HSPB8: variants seen among roughly 807,000 people sequenced by gnomAD.
HSPB8 encodes the protein heat shock protein family B (small) member 8.
Under a neutral mutation model 16.5 loss-of-function variants are expected in HSPB8, and 9 were observed. That is an observed-to-expected ratio of 0.55 (90% confidence interval 0.33 to 0.95). HSPB8 has a LOEUF of 0.95. Among genes scored for constraint, HSPB8 ranks in the 40% least tolerant of loss-of-function variants. The pLI is 0.03. For missense variants in HSPB8, 238 were observed against 251.2 expected, an observed-to-expected ratio of 0.95 and a Z score of 0.35; for synonymous variants, 99 against 94.8, an observed-to-expected ratio of 1.04 and a Z score of -0.26.
chr12:119,194,721 T>G lies in HSPB8; in HGVS notation c.*863T>G, dbSNP rs550004882. The G allele has an allele frequency of 9.9e-4, 348 of 350,172 alleles. 12 individuals carry two copies. Among genetic ancestry groups the G allele is most frequent in the Non-Finnish European group, 1.6e-3 (312 of 200,070 alleles). The allele number at this position is 350,172 out of a possible 1,614,324, so 21.7% of individuals were successfully genotyped here. On this transcript the variant is annotated 3_prime_UTR_variant, in exon 3 of 3. Transcript: ENST00000281938. Reference sequence around the variant, plus strand: ...AGTAAATAATTAATAATAATAATAATAATAATAAAGGAGCTGACGTTCTTA... The same window carrying G: ...AGTAAATAATTAATAATAATAATAAGAATAATAAAGGAGCTGACGTTCTTA...
intron 1 of HSPB8, among the ~76,000 whole-genome samples, chr12:119,184,755 T>C (rs903296752): frequency 6.6e-6 from 1 of 151,386 alleles, no homozygotes; most frequent in Non-Finnish European, 1.5e-5. Flanking sequence ...GGCGGCCTGG[T>C]GTGAGGTTCT....
At position 119,179,131 on chromosome 12, in the gene HSPB8, G is replaced by A; in HGVS notation, c.-182G>A. 1 of 687,142 alleles carries A rather than the reference G, an allele frequency of 1.5e-6. No homozygotes were observed. Among genetic ancestry groups the A allele is most frequent in the Non-Finnish European group, 2.6e-6 (1 of 386,336 alleles). 42.6% of individuals were successfully genotyped at this position (687,142 alleles called of 1,614,324 possible). A position where few individuals can be genotyped will look rare whatever the true frequency, so the allele number is the denominator to read the frequency against. On this transcript the variant is annotated 5_prime_UTR_variant, in exon 1 of 3. Coordinates refer to ENST00000281938, the MANE Select transcript of HSPB8 (RefSeq NM_014365.3). The stretch of plus-strand genomic sequence containing the variant: ...CCCGGGGGTTACCTTTGGGGGCTGG[G>A]ACCCCAGTCGAGGGGACACAACCGT...
intron 2 of HSPB8, among the ~76,000 whole-genome samples, chr12:119,192,433 G>T (rs1954717676): frequency 1.3e-5 from 2 of 152,168 alleles, no homozygotes; most frequent in Admixed American, 6.5e-5. Flanking sequence ...GAGGTGGGTG[G>T]ATCACAAGGT....
chr12:119,185,654 T>A lies in HSPB8; in HGVS notation c.368-1371T>A, dbSNP rs968903521. 4.9e-5 allele frequency among the ~76,000 whole-genome samples: 7 copies of A among 141,770 alleles called. No individual in the cohort carries two copies. In the South Asian group the frequency reaches 9.7e-4, roughly 20 times the overall value. The allele number at this position is 141,770 out of a possible 152,430, so 93.0% of individuals were successfully genotyped here. A position where few individuals can be genotyped will look rare whatever the true frequency, so the allele number is the denominator to read the frequency against. ...GCCTATTATTATTATTATTATTATT[T>A]TTAGAAACAGTGCCTCTCTATGTTG... On this transcript the variant is annotated intron_variant, in intron 1 of 2. Coordinates refer to ENST00000281938, the MANE Select transcript of HSPB8 (RefSeq NM_014365.3).
At position 119,193,989 on chromosome 12, in the gene HSPB8, C is replaced by A; in HGVS notation, c.*131C>A. On this transcript the variant is annotated 3_prime_UTR_variant, in exon 3 of 3. Coordinates refer to ENST00000281938, the MANE Select transcript of HSPB8 (RefSeq NM_014365.3). Reference sequence around the variant, plus strand: ...AGAGGGTGCGGGGGTGAGGACTGACCACAGATTCCCTGGATAGTGTAGTGG... The same window carrying A: ...AGAGGGTGCGGGGGTGAGGACTGACAACAGATTCCCTGGATAGTGTAGTGG... The A allele has an allele frequency of 1.0e-6, 1 of 952,692 alleles. No homozygotes were observed. Among genetic ancestry groups the A allele is most frequent in the Non-Finnish European group, 1.7e-6 (1 of 595,244 alleles). The allele number at this position is 952,692 out of a possible 1,614,324, so 59.0% of individuals were successfully genotyped here. A position where few individuals can be genotyped will look rare whatever the true frequency, so the allele number is the denominator to read the frequency against.
chr12:119,182,419 G>A (rs113905318), intron 1 of HSPB8, among the ~76,000 whole-genome samples: 17 of 152,072 alleles, frequency 1.1e-4, no homozygotes, highest in Admixed American at 2.0e-4. Context: ...CGGGAGGATC[G>A]CTTAAGGTCA....
chr12:119,182,327 T>C (rs1954643865), intron 1 of HSPB8: 1 of 152,122 alleles, frequency 6.6e-6, no homozygotes, highest in Admixed American at 6.5e-5. Context: ...AAAATTGATA[T>C]CAGGAGCTCT....
intron 2 of HSPB8, among the ~76,000 whole-genome samples, chr12:119,189,302 G>GGTGTGT (rs60310566): frequency 0.13 from 19,006 of 143,214 alleles, 1,530 homozygotes; most frequent in African/African-American, 0.22. Flanking sequence ...TCTTAAAAGG[G>GGTGTGT]GTGTGTGTGT....
At chr12:119,182,733 TCCGTTCC>T in intron 1 of HSPB8, 1 of 152,254 alleles carries the variant, frequency 6.6e-6, no homozygotes, top group Non-Finnish European at 1.5e-5. Context: ...AAATGACAAA[TCCGTTCC>T]TCCACAAGCA....
chr12:119,193,937 A>G lies in HSPB8; in HGVS notation c.*79A>G. On this transcript the variant is annotated 3_prime_UTR_variant, in exon 3 of 3. Coordinates refer to ENST00000281938, the MANE Select transcript of HSPB8 (RefSeq NM_014365.3). ...TTCCAGGATACATTACTTTAGCTGAACTCAGATTTAGTGCAAGTAAAATGT... is the reference window on the plus strand; with the variant it reads ...TTCCAGGATACATTACTTTAGCTGAGCTCAGATTTAGTGCAAGTAAAATGT... The G allele has an allele frequency of 6.7e-7, 1 of 1,497,306 alleles. No homozygotes were observed. Among genetic ancestry groups the G allele is most frequent in the Non-Finnish European group, 9.3e-7 (1 of 1,075,778 alleles). 92.8% of individuals were successfully genotyped at this position (1,497,306 alleles called of 1,614,324 possible). A position where few individuals can be genotyped will look rare whatever the true frequency, so the allele number is the denominator to read the frequency against.
At chr12:119,183,753 T>G (rs551170708) in intron 1 of HSPB8, among the ~76,000 whole-genome samples, 111 of 151,786 alleles carry the variant, frequency 7.3e-4, no homozygotes, top group Non-Finnish European at 1.3e-3. Context: ...AACACTCTCT[T>G]TAAATGAGGT....
intron 1 of HSPB8, among the ~76,000 whole-genome samples, chr12:119,182,638 CA>C (rs917727248): frequency 6.7e-6 from 1 of 149,996 alleles, no homozygotes; most frequent in African/African-American, 2.4e-5. Flanking sequence ...AATTCTGTCT[CA>C]AAAAAAATAA....
At position 119,178,998 on chromosome 12, in the gene HSPB8, G is replaced by A; in HGVS notation, c.-315G>A. ...CCTGGCTCCGCTCTAGACCTCAGCG[G>A]TTCTGGCTGCCAGCCTGGGCAGCCT... is the stretch of plus-strand genomic sequence containing the variant. On this transcript the variant is annotated 5_prime_UTR_variant, in exon 1 of 3. Transcript: ENST00000281938. 2.1e-6 allele frequency: 1 copy of A among 478,650 alleles called. No homozygotes were observed. 29.7% of individuals were successfully genotyped at this position (478,650 alleles called of 1,614,324 possible). A position where few individuals can be genotyped will look rare whatever the true frequency, so the allele number is the denominator to read the frequency against.
At chr12:119,192,111 T>C (rs993795593) in intron 2 of HSPB8, among the ~76,000 whole-genome samples, 1 of 152,226 alleles carries the variant, frequency 6.6e-6, no homozygotes, top group Non-Finnish European at 1.5e-5. Flanking sequence ...TAATAGTTTG[T>C]TGAAGAAACC....
At chr12:119,183,214 A>T (rs1954650489) in intron 1 of HSPB8, 1 of 152,256 alleles carries the variant, frequency 6.6e-6, no homozygotes, top group South Asian at 2.1e-4. Context: ...TCTAAGAGGC[A>T]GCCCTATCTT....
chr12:119,185,664 G>A (rs1186168863), intron 1 of HSPB8, among the ~76,000 whole-genome samples: 4 of 151,674 alleles, frequency 2.6e-5, no homozygotes, highest in African/African-American at 9.7e-5. Flanking sequence ...TTTAGAAACA[G>A]TGCCTCTCTA....
chr12:119,180,112 C>G (rs1954627481), intron 1 of HSPB8, among the ~76,000 whole-genome samples: 1 of 152,178 alleles, frequency 6.6e-6, no homozygotes, highest in Non-Finnish European at 1.5e-5. Context: ...CAACTGGTTT[C>G]CGGTGAAACA....
At chr12:119,185,335 A>G (rs1303985675) in intron 1 of HSPB8, among the ~76,000 whole-genome samples, 1 of 151,076 alleles carries the variant, frequency 6.6e-6, no homozygotes, top group Non-Finnish European at 1.5e-5. Flanking sequence ...TAATAATAGT[A>G]ATTATTATTA....
rs60408692 is a variant in HSPB8, at chr12:119,179,772, G to T, written c.367+93G>T. On this transcript the variant is annotated intron_variant, in intron 1 of 2. Transcript: ENST00000281938. ...CAGAGAAAGTTTCCTGGGAGCTGAC[G>T]TTGGGACAGTGTGACACAGGTGACC... The T allele has an allele frequency of 2.8e-3, 4,091 of 1,483,446 alleles. 107 individuals are homozygous for T. The African/African-American group carries it at 0.05, about 18-fold the overall frequency. 91.9% of individuals were successfully genotyped at this position (1,483,446 alleles called of 1,614,324 possible). A position where few individuals can be genotyped will look rare whatever the true frequency, so the allele number is the denominator to read the frequency against.
Sources: gnomAD v4.1 joint callset for allele counts (sites outside exome capture counted in the v4.1 genomes callset) on GRCh38, gnomAD v4.1.1 for gene constraint, MANE v1.5 for transcripts, NCBI Gene and HGNC (gene_info 2026-07-23, HGNC 2026-07-21) for gene names.